NPIPB12: variants seen among roughly 807,000 people sequenced by gnomAD.
The protein encoded by NPIPB12 is nuclear pore complex-interacting protein family member B12.
At chr16:29,490,334 C>T (rs1965064402) in intron 4 of NPIPB12, among the ~76,000 whole-genome samples, 1 of 104,736 alleles carries the variant, frequency 9.5e-6, no homozygotes, top group Non-Finnish European at 1.9e-5. Flanking sequence ...TTCAACAATC[C>T]AGGCTGGGTG....
intron 2 of NPIPB12, among the ~76,000 whole-genome samples, chr16:29,504,510 ATATATGTGTGTGTGTGTG>A (rs1282551306): frequency 3.1e-5 from 3 of 95,542 alleles, no homozygotes; most frequent in East Asian, 3.1e-4. Flanking sequence ...GTCTCAAAAA[ATATATGTGTGTGTGTGTG>A]TGTGTGTGTG....
intron 4 of NPIPB12, among the ~76,000 whole-genome samples, chr16:29,490,181 C>T (rs1229845512): frequency 5.3e-5 from 1 of 19,006 alleles, no homozygotes; most frequent in African/African-American, 2.5e-4. Context: ...TGCTACTAGG[C>T]CTCAATTCAT....
At chr16:29,492,491 T>A (rs1431362430) in intron 2 of NPIPB12, among the ~76,000 whole-genome samples, 2 of 59,482 alleles carry the variant, frequency 3.4e-5, no homozygotes, top group African/African-American at 8.5e-5. Flanking sequence ...AACTCTTGTC[T>A]CAAAAAAAAA....
upstream of NPIPB12, among the ~76,000 whole-genome samples, chr16:29,501,196 C>T (rs1965189344): frequency 2.6e-5 from 2 of 76,332 alleles, 1 homozygote; most frequent in South Asian, 1.2e-3. Context: ...AAAAACAAAA[C>T]GGGCTGGGTG....
In NPIPB12 at chr16:29,490,462, C is replaced by T. The variant is rs1224499517; in HGVS notation, c.449+1005G>A. 3.1e-4 allele frequency among the ~76,000 whole-genome samples: 46 copies of T among 149,220 alleles called. No homozygotes were observed. The East Asian group carries it at 6.9e-3, about 22-fold the overall frequency. On this transcript the variant is annotated intron_variant, in intron 4 of 5. Transcript: ENST00000617311. The stretch of plus-strand genomic sequence containing the variant: ...AAAAATACAAAAATTGGGCCGGGCA[C>T]GGTGGCTCACGCCTGTAATCCCAGC...
chr16:29,504,483 G>A (rs1487222203), intron 2 of NPIPB12, among the ~76,000 whole-genome samples: 1 of 134,776 alleles, frequency 7.4e-6, no homozygotes, highest in Non-Finnish European at 1.6e-5. Flanking sequence ...CCAGCCTGGG[G>A]GACAGAGTGA....
At chr16:29,497,544 G>GAGATCATGA (rs1192477438) in intron 1 of NPIPB12, among the ~76,000 whole-genome samples, 1 of 58,982 alleles carries the variant, frequency 1.7e-5, no homozygotes, top group Non-Finnish European at 2.6e-5. Context: ...TACCAAGGTG[G>GAGATCATGA]AGATCATGAA....
chr16:29,498,299 A>AAAATAAATAAATAAATAAATAAAT (rs373111384), intron 1 of NPIPB12, among the ~76,000 whole-genome samples: 1 of 142,016 alleles, frequency 7.0e-6, no homozygotes, highest in Non-Finnish European at 1.5e-5. Context: ...AAACTGTCTC[A>AAAATAAATAAATAAATAAATAAAT]AAATAAATAA....
chr16:29,505,974 CA>C (rs1251071912), upstream of NPIPB12: 1 of 162,116 alleles, frequency 6.2e-6, no homozygotes, highest in African/African-American at 4.4e-5. Context: ...CTGAAACCTA[CA>C]AAAAAAGAAA....
downstream of NPIPB12, chr16:29,484,955 G>T: frequency 1.1e-5 from 1 of 89,654 alleles, no homozygotes; most frequent in Non-Finnish European, 1.8e-5. Context: ...CGCTCGGAAG[G>T]TGTCTTGAGA....
At chr16:29,498,346 A>G (rs1364646965) in intron 1 of NPIPB12, among the ~76,000 whole-genome samples, 1 of 148,088 alleles carries the variant, frequency 6.8e-6, no homozygotes, top group African/African-American at 2.5e-5. Flanking sequence ...AAAATAATGT[A>G]GATCTTGAAA....
chr16:29,490,431 T>C (rs1965066223), intron 4 of NPIPB12, among the ~76,000 whole-genome samples: 1 of 148,992 alleles, frequency 6.7e-6, no homozygotes, highest in African/African-American at 2.5e-5. Context: ...TGAACCCGTC[T>C]CTACTAAAAA....
At chr16:29,497,355 A>T (rs370771394) in intron 1 of NPIPB12, among the ~76,000 whole-genome samples, 22 of 40,248 alleles carry the variant, frequency 5.5e-4, no homozygotes, top group Admixed American at 8.3e-4. Context: ...TCTACTAAAA[A>T]TACAAAAAAT....
downstream of NPIPB12, chr16:29,485,089 A>G: frequency 4.9e-6 from 1 of 205,888 alleles, no homozygotes; most frequent in Non-Finnish European, 8.3e-6. Flanking sequence ...AGGTGTCTTG[A>G]GATTATCATC....
rs1482204121 is a variant in NPIPB12 at position 29,498,335 on chromosome 16, T to A, written c.75+989A>T. On this transcript the variant is annotated intron_variant, in intron 1 of 5. Transcript: ENST00000617311. Reference sequence around the variant, plus strand: ...ATAAATAAATAAATAAATAAATAAATAAAATAATGTAGATCTTGAAAGGGG... The same window carrying A: ...ATAAATAAATAAATAAATAAATAAAAAAAATAATGTAGATCTTGAAAGGGG... Among the ~76,000 whole-genome samples, 14 of 147,868 alleles carry A rather than the reference T, an allele frequency of 9.5e-5. No individual in the cohort carries two copies. The East Asian group carries it at 1.2e-3, about 13-fold the overall frequency.
intron 4 of NPIPB12, among the ~76,000 whole-genome samples, chr16:29,490,729 C>CA (rs1200754352): frequency 0.36 from 699 of 1,932 alleles, 124 homozygotes; most frequent in East Asian, 0.82. Flanking sequence ...GACTCTGTCT[C>CA]AAAAAAAAAA....
At chr16:29,501,897 G>A (rs1433321313), upstream of NPIPB12, among the ~76,000 whole-genome samples, 2 of 57,342 alleles carry the variant, frequency 3.5e-5, no homozygotes, top group Non-Finnish European at 7.1e-5. Flanking sequence ...CCTAGATTTC[G>A]GTTGTGGTGG....
At chr16:29,506,294 T>TA (rs1197136612), upstream of NPIPB12, among the ~76,000 whole-genome samples, 2 of 34,736 alleles carry the variant, frequency 5.8e-5, no homozygotes, top group Admixed American at 3.2e-4. Context: ...AGGGGCTTGT[T>TA]AACATTAGCT....
intron 2 of NPIPB12, among the ~76,000 whole-genome samples, chr16:29,504,514 ATGTGTGTGTGTGTG>A (rs375593232): frequency 1.3e-3 from 185 of 137,912 alleles, no homozygotes; most frequent in East Asian, 7.3e-3. Context: ...CAAAAAATAT[ATGTGTGTGTGTGTG>A]TGTGTGTGTG....
Sources: allele counts gnomAD v4.1 joint callset (sites outside exome capture counted in the v4.1 genomes callset), GRCh38; gene constraint gnomAD v4.1.1; transcripts MANE v1.5; gene names NCBI Gene and HGNC (gene_info 2026-07-23, HGNC 2026-07-21).